PRKN: variants seen among roughly 807,000 people sequenced by gnomAD.
PRKN encodes parkin RBR E3 ubiquitin protein ligase.
In PRKN, 56 loss-of-function variants were observed where a neutral mutation model predicts 59.5. That is an observed-to-expected ratio of 0.94 (90% CI 0.76 to 1.18). The LOEUF is 1.18. Among genes scored for constraint, PRKN ranks in the 50% most tolerant of loss-of-function variants. The pLI is 0.00. For synonymous variants in PRKN, 250 were observed against 222.1 expected (o/e 1.13, Z -1.12); for missense variants, 657 against 596.4 (o/e 1.10, Z -1.06).
At chr6:162,678,209 G>T (rs1195949824) in intron 1 of PRKN, among the ~76,000 whole-genome samples, 1 of 152,174 alleles carries the variant, frequency 6.6e-6, no homozygotes, top group African/African-American at 2.4e-5. Context: ...CCTGTTGATG[G>T]TTATTGGAGT....
intron 1 of PRKN, among the ~76,000 whole-genome samples, chr6:162,531,346 C>T (rs189044046): frequency 1.3e-5 from 2 of 152,158 alleles, no homozygotes; most frequent in East Asian, 1.9e-4. Flanking sequence ...AGGGGAATTG[C>T]GGAATTGCAA....
At chr6:161,787,166 T>A (rs1562684395) in intron 6 of PRKN, among the ~76,000 whole-genome samples, 1 of 152,182 alleles carries the variant, frequency 6.6e-6, no homozygotes, top group Non-Finnish European at 1.5e-5. Context: ...TCTAGAGAAA[T>A]GAATAATACT....
chr6:162,609,457 A>G (rs1782049661), intron 1 of PRKN, among the ~76,000 whole-genome samples: 1 of 152,204 alleles, frequency 6.6e-6, no homozygotes, highest in Admixed American at 6.5e-5. Flanking sequence ...TTAAAAGGTA[A>G]AAAGAGTTTA....
At position 162,113,511 on chromosome 6, in the gene PRKN, T is replaced by C. The variant is rs78615723; in HGVS notation, c.535-59337A>G. Among the ~76,000 whole-genome samples the C allele has an allele frequency of 2.3e-4, 35 of 152,248 alleles. No homozygotes were observed. The South Asian group carries it at 7.3e-3, about 32-fold the overall frequency. On this transcript the variant is annotated intron_variant, in intron 4 of 11. Transcript: ENST00000366898. ...TGTTGGAAATAAGCACTGTGGTCAA[T>C]GAAGGGAGAGGGATATGTAGTACAT...
chr6:162,292,205 C>T (rs1781464086), intron 2 of PRKN, among the ~76,000 whole-genome samples: 1 of 152,082 alleles, frequency 6.6e-6, no homozygotes, highest in Admixed American at 6.5e-5. Flanking sequence ...CTCAGGTGAT[C>T]TGCCCACCTC....
chr6:161,451,535 AG>A lies in PRKN; in HGVS notation c.1084-64659del, dbSNP rs1258950368. On this transcript the variant is annotated intron_variant, in intron 9 of 11. Transcript: ENST00000366898. The surrounding 1 kb of genome is among the most constrained non-coding windows in gnomAD (Gnocchi z 5.9). ...CCACCTGAGGGAACCTGCTGCCCAC[AG>A]CCTCTGCTCCCAGAGGGACCTACCC... Among the ~76,000 whole-genome samples, 1 of 152,220 alleles carries A rather than the reference AG, an allele frequency of 6.6e-6. No homozygotes were observed. The highest frequency in any genetic ancestry group is 2.4e-5 in the African/African-American group (1 of 41,452).
intron 2 of PRKN, among the ~76,000 whole-genome samples, chr6:162,339,265 C>G (rs1469687547): frequency 6.9e-6 from 1 of 143,908 alleles, no homozygotes; most frequent in African/African-American, 2.5e-5. Context: ...CCCCGCCCGG[C>G]CAGCCGCCCC....
intron 2 of PRKN, among the ~76,000 whole-genome samples, chr6:162,338,590 C>T (rs1348122654): frequency 1.3e-5 from 2 of 152,114 alleles, no homozygotes; most frequent in African/African-American, 4.8e-5. Context: ...GTGGCGTGAT[C>T]TCGGCTCACT....
At chr6:161,848,020 G>A (rs1406556843) in intron 6 of PRKN, among the ~76,000 whole-genome samples, 2 of 152,140 alleles carry the variant, frequency 1.3e-5, no homozygotes, top group Non-Finnish European at 2.9e-5. Flanking sequence ...TTAGGTCACC[G>A]CCTTATCTTA....
At chr6:162,321,399 G>A (rs781457228) in intron 2 of PRKN, among the ~76,000 whole-genome samples, 11 of 151,884 alleles carry the variant, frequency 7.2e-5, no homozygotes, top group Admixed American at 2.0e-4. Context: ...AACCTCAAAC[G>A]AAGAAAACTT....
chr6:162,282,180 G>A (rs962865197), intron 2 of PRKN, among the ~76,000 whole-genome samples: 5 of 152,176 alleles, frequency 3.3e-5, no homozygotes, highest in Admixed American at 2.0e-4. Flanking sequence ...AGCACTGCAT[G>A]AGTAATCAAG....
intron 6 of PRKN, among the ~76,000 whole-genome samples, chr6:161,836,244 A>G (rs1792749547): frequency 6.6e-6 from 1 of 152,058 alleles, no homozygotes; most frequent in African/African-American, 2.4e-5. Context: ...AAATTTCCAC[A>G]CAGGGTCCTG....
At chr6:162,405,925 G>A (rs996029953) in intron 2 of PRKN, among the ~76,000 whole-genome samples, 3 of 152,076 alleles carry the variant, frequency 2.0e-5, no homozygotes, top group African/African-American at 7.2e-5. Flanking sequence ...TAACTCACCT[G>A]AATGTAAATA....
intron 6 of PRKN, among the ~76,000 whole-genome samples, chr6:161,870,793 T>G (rs1311128822): frequency 6.6e-6 from 1 of 152,198 alleles, no homozygotes. Flanking sequence ...CTCCTCTTCT[T>G]TAATTCTTGC....
At chr6:161,478,640 T>G (rs1583125923) in intron 9 of PRKN, among the ~76,000 whole-genome samples, 1 of 152,028 alleles carries the variant, frequency 6.6e-6, no homozygotes, top group East Asian at 1.9e-4. Flanking sequence ...AGTCCAGGGG[T>G]TTGAGGCCAG....
chr6:162,595,245 TTTTTTC>T (rs1246583835), intron 1 of PRKN, among the ~76,000 whole-genome samples: 3 of 152,060 alleles, frequency 2.0e-5, no homozygotes, highest in Admixed American at 6.6e-5. Flanking sequence ...TGAGTTTTCT[TTTTTTC>T]TTTTTCTTTT....
At chr6:162,723,829 G>GTA (rs1779026030) in intron 1 of PRKN, among the ~76,000 whole-genome samples, 2 of 152,190 alleles carry the variant, frequency 1.3e-5, no homozygotes, top group South Asian at 4.1e-4. Flanking sequence ...CATAATTAGT[G>GTA]TATCCTATAA....
At chr6:162,564,835 T>A (rs534338959) in intron 1 of PRKN, among the ~76,000 whole-genome samples, 10 of 147,246 alleles carry the variant, frequency 6.8e-5, no homozygotes, top group African/African-American at 1.0e-4. Flanking sequence ...AGCAGACCTG[T>A]CCTACAGGAA....
intron 2 of PRKN, among the ~76,000 whole-genome samples, chr6:162,380,478 T>TATAC (rs1223443932): frequency 3.0e-3 from 116 of 38,320 alleles, no homozygotes; most frequent in African/African-American, 0.013. Context: ...TGTGTGTATA[T>TATAC]ATATGTATAT....
Sources: allele counts gnomAD v4.1 joint callset (sites outside exome capture counted in the v4.1 genomes callset), GRCh38; gene constraint gnomAD v4.1.1; non-coding constraint Gnocchi (gnomAD v3.1); transcripts MANE v1.5; gene names NCBI Gene and HGNC (gene_info 2026-07-23, HGNC 2026-07-21).